ITGA8: variants seen among roughly 807,000 people sequenced by gnomAD.
ITGA8 encodes integrin alpha-8.
A neutral mutation model predicts 142.3 loss-of-function variants in ITGA8; 91 were observed. The ratio of observed to expected loss-of-function variants is 0.64; its 90% CI spans 0.54 to 0.76. The LOEUF (loss-of-function observed/expected upper bound fraction) is 0.76. Among genes scored for constraint, ITGA8 ranks in the 30% least tolerant of loss-of-function variants. ITGA8 has a pLI of 0.00. For synonymous variants in ITGA8, 505 were observed against 485.2 expected (o/e 1.04, Z -0.54); for missense variants, 1,406 against 1,327.7 (o/e 1.06, Z -0.92).
chr10:15,677,443 CA>C (rs558046443), intron 6 of ITGA8, 148 bp downstream of exon 6: 82 of 599,410 alleles, frequency 1.4e-4, no homozygotes, highest in South Asian at 2.5e-4. Context: ...ATATTAAAAG[CA>C]AAAAAAAGAA....
intron 2 of ITGA8, among the ~76,000 whole-genome samples, chr10:15,697,498 C>A (rs1221988940): frequency 2.0e-5 from 3 of 152,168 alleles, no homozygotes; most frequent in Non-Finnish European, 4.4e-5. Flanking sequence ...AAAATAATGT[C>A]ATGAATAATA....
At chr10:15,665,314 C>G (rs1469148182) in intron 8 of ITGA8, among the ~76,000 whole-genome samples, 8 of 152,196 alleles carry the variant, frequency 5.3e-5, no homozygotes, top group Non-Finnish European at 1.5e-5. Flanking sequence ...TAAATGTCTT[C>G]TTTTGAGAAA....
chr10:15,622,737 A>AT (rs1833517032), intron 13 of ITGA8, among the ~76,000 whole-genome samples: 1 of 152,208 alleles, frequency 6.6e-6, no homozygotes, highest in Non-Finnish European at 1.5e-5. Flanking sequence ...TAAAAAAAAA[A>AT]GTTAACATTG....
chr10:15,645,587 T>C (rs1833965247), intron 12 of ITGA8, among the ~76,000 whole-genome samples: 1 of 152,222 alleles, frequency 6.6e-6, no homozygotes, highest in South Asian at 2.1e-4. Context: ...ACTAACCATA[T>C]GTTGCTGAGA....
intron 2 of ITGA8, among the ~76,000 whole-genome samples, chr10:15,694,678 C>CATATACATATATATAT (rs1554788568): frequency 2.6e-5 from 2 of 77,528 alleles, no homozygotes; most frequent in Non-Finnish European, 4.9e-5. Context: ...TATTTGTCGA[C>CATATACATATATATAT]ATATATATAT....
intron 28 of ITGA8, among the ~76,000 whole-genome samples, chr10:15,530,372 C>A (rs986324718): frequency 5.9e-5 from 9 of 151,770 alleles, no homozygotes; most frequent in Non-Finnish European, 1.0e-4. Context: ...ATGGTGAAAC[C>A]CTGTCTCTAT....
At chr10:15,560,716 G>A (rs114640799) in intron 25 of ITGA8, among the ~76,000 whole-genome samples, 1,612 of 152,284 alleles carry the variant, frequency 0.011, 32 homozygotes, top group African/African-American at 0.037. Flanking sequence ...GTTTACAACA[G>A]CAAATGTAGT....
chr10:15,684,042 T>C lies in ITGA8; in HGVS notation c.530A>G (p.Asn177Ser). Residue 177 changes from asparagine to serine, a missense_variant, in exon 4 of 30, where the codon AAC (asparagine) becomes AGC (serine). Asn to Ser is a conservative substitution (Grantham distance 46). Transcript: ENST00000378076. The part of the protein sequence containing the change: ...PVGTCYVAIQ[N>S]FSAYAEFSPC... ...AGAGAACTCGGCATAGGCGCTGAAG[T>C]TCTGAATTGCTACATAGCAGGTGCC... 1 of 1,614,192 alleles carries C rather than the reference T, an allele frequency of 6.2e-7. No individual in the cohort carries two copies. Among genetic ancestry groups the C allele is most frequent in the South Asian group, 1.1e-5 (1 of 91,088 alleles).
chr10:15,703,032 C>G (rs1379423832), intron 2 of ITGA8, among the ~76,000 whole-genome samples: 2 of 152,188 alleles, frequency 1.3e-5, no homozygotes, highest in African/African-American at 4.8e-5. Context: ...AATCATGAAA[C>G]TTCCCTTTTA....
At chr10:15,563,971 G>A (rs371052838) in intron 25 of ITGA8, among the ~76,000 whole-genome samples, 10 of 152,032 alleles carry the variant, frequency 6.6e-5, no homozygotes, top group African/African-American at 2.4e-4. Context: ...TTAACTTCCG[G>A]TGTGGTTTCA....
chr10:15,546,009 C>T (rs934580825), intron 27 of ITGA8, among the ~76,000 whole-genome samples: 1 of 152,178 alleles, frequency 6.6e-6, no homozygotes, highest in Non-Finnish European at 1.5e-5. Flanking sequence ...GTTCCTCAAA[C>T]ATGTCTAAAG....
chr10:15,649,985 A>T (rs1474529552), intron 11 of ITGA8, among the ~76,000 whole-genome samples: 1 of 152,240 alleles, frequency 6.6e-6, no homozygotes, highest in African/African-American at 2.4e-5. Context: ...ATACAAAAAT[A>T]TGCACAAAAA....
intron 3 of ITGA8, among the ~76,000 whole-genome samples, chr10:15,684,960 A>C (rs1834809367): frequency 6.6e-6 from 1 of 152,190 alleles, no homozygotes; most frequent in African/African-American, 2.4e-5. Flanking sequence ...TATGACTTTT[A>C]AACAATGACT....
chr10:15,531,875 G>A (rs1172210652), intron 27 of ITGA8, among the ~76,000 whole-genome samples: 1 of 152,080 alleles, frequency 6.6e-6, no homozygotes, highest in Non-Finnish European at 1.5e-5. Flanking sequence ...AACCTGGGGG[G>A]CGCAGGTTGC....
At chr10:15,687,794 A>C in intron 3 of ITGA8, 144 bp downstream of exon 3, 1 of 553,890 alleles carries the variant, frequency 1.8e-6, no homozygotes, top group Non-Finnish European at 3.3e-6. Context: ...TTAAGCATTT[A>C]GTTGCTTTTA....
intron 8 of ITGA8, among the ~76,000 whole-genome samples, chr10:15,662,775 T>C (rs562028185): frequency 3.0e-4 from 46 of 152,312 alleles, no homozygotes; most frequent in African/African-American, 7.2e-4. Context: ...TCTATCACCA[T>C]TGAACTCATA....
At chr10:15,674,360 C>T (rs1028959205) in intron 6 of ITGA8, among the ~76,000 whole-genome samples, 3 of 152,190 alleles carry the variant, frequency 2.0e-5, no homozygotes, top group African/African-American at 4.8e-5. Flanking sequence ...ATGTCTCAAA[C>T]ATATGTTTCT....
rs1832970203 is a variant in ITGA8, at chr10:15,516,851, T to A, written c.*307A>T. ...CAACTTATGCTGGATTGATCTGGACTGCAACTTACGTTCCCATACGCATTT... is the reference window on the plus strand; with the variant it reads ...CAACTTATGCTGGATTGATCTGGACAGCAACTTACGTTCCCATACGCATTT... On this transcript the variant is annotated 3_prime_UTR_variant, in exon 30 of 30. Transcript: ENST00000378076. 2 of 247,110 alleles carry A rather than the reference T, an allele frequency of 8.1e-6. No homozygotes were observed. Among genetic ancestry groups the A allele is most frequent in the Non-Finnish European group, 1.6e-5 (2 of 127,344 alleles). 15.3% of individuals were successfully genotyped at this position (247,110 alleles called of 1,614,324 possible).
At chr10:15,592,843 T>C (rs7080599) in intron 21 of ITGA8, among the ~76,000 whole-genome samples, 150,008 of 152,300 alleles carry the variant, frequency 0.98, 73,919 homozygotes, top group South Asian at 1. Flanking sequence ...TCTCCTGCCT[T>C]GGCCTCCCAA....
Sources: allele counts gnomAD v4.1 joint callset (sites outside exome capture counted in the v4.1 genomes callset), GRCh38; gene constraint gnomAD v4.1.1; transcripts MANE v1.5; gene names NCBI Gene and HGNC (gene_info 2026-07-23, HGNC 2026-07-21).